The following ADM variants were observed in gnomAD, a reference collection of about 807,000 sequenced individuals.
ADM encodes pro-adrenomedullin.
A neutral mutation model predicts 9.0 loss-of-function variants in ADM; 4 were observed. The observed-to-expected ratio is 0.44, with a 90% CI of 0.22 to 1.02. The LOEUF (loss-of-function observed/expected upper bound fraction) is 1.02, where lower values mean the gene tolerates loss of function less well. Among genes scored for constraint, ADM ranks in the 50% least tolerant of loss-of-function variants. The pLI, the probability that ADM is intolerant of heterozygous loss-of-function variation, is 0.24. For synonymous variants in ADM, 107 were observed against 107.2 expected, an observed-to-expected ratio of 1.00 and a Z score of 0.01; for missense variants, 253 against 254.1, an observed-to-expected ratio of 1.00 and a Z score of 0.03.
At chr11:10,305,607 C>G in intron 1 of ADM, 73 bp from the exon 2 acceptor site, 1 of 1,382,224 alleles carries the variant, frequency 7.2e-7, no homozygotes, top group Non-Finnish European at 1.0e-6. Context: ...GGCCCCTGCC[C>G]GCCCTCCGTG....
rs1357463885 is a variant in ADM at position 10,306,596 on chromosome 11, C to G, written c.513C>G (p.His171Gln). Residue 171 changes from histidine to glutamine, a missense_variant, in exon 4 of 4, where the codon CAC (histidine) becomes CAG (glutamine). Coordinates refer to ENST00000278175, the MANE Select transcript of ADM (RefSeq NM_001124.3). ...RTLVSSKPQA[H>Q]GAPAPPSGSA... ...TGGTGTCTTCTAAGCCACAAGCACA[C>G]GGGGCTCCAGCCCCCCCGAGTGGAA... 2 of 1,594,368 alleles carry G rather than the reference C, an allele frequency of 1.3e-6. No individual in the cohort carries two copies. The highest frequency in any genetic ancestry group is 2.3e-5 in the East Asian group (1 of 44,438).
At position 10,306,397 on chromosome 11, in the gene ADM, T is replaced by A; in HGVS notation, c.314T>A (p.Leu105His). The change falls in exon 4 of 4, where the codon CTC becomes CAC. Residue 105 changes from leucine (L) to histidine (H), a missense_variant. By Grantham distance (99) the Leu-to-His change is moderately conservative. Coordinates refer to ENST00000278175, the MANE Select transcript of ADM (RefSeq NM_001124.3). ...CAGAGCATGAACAACTTCCAGGGCC[T>A]CCGGAGCTTTGGCTGCCGCTTCGGG... ...YRQSMNNFQG[L>H]RSFGCRFGTC... is the part of the protein sequence containing the mutation. 6.4e-7 allele frequency: 1 copy of A among 1,568,214 alleles called. No individual in the cohort carries two copies. Among genetic ancestry groups the A allele is most frequent in the Non-Finnish European group, 8.7e-7 (1 of 1,155,064 alleles).
chr11:10,305,532 C>T, intron 1 of ADM, 148 bp from the exon 2 acceptor site: 4 of 665,332 alleles, frequency 6.0e-6, no homozygotes, highest in South Asian at 1.9e-5. Context: ...CCTCTGGCGC[C>T]TCTCTGCGCG....
At position 10,306,313 on chromosome 11, in the gene ADM, C is replaced by CGGGGG; in HGVS notation, c.249-19_249-18insGGGGG. ...ATGGGGTCTCAAGTTGCCTTTCTTC[C>CGGGGG]CCCTCCCCCCGCCCGCAGCAGTCCG... On this transcript the variant is annotated intron_variant, in intron 3 of 3. Coordinates refer to ENST00000278175, the MANE Select transcript of ADM (RefSeq NM_001124.3). 1.3e-6 allele frequency: 1 copy of CGGGGG among 792,720 alleles called. No individual in the cohort carries two copies. The highest frequency in any genetic ancestry group is 2.0e-6 in the Non-Finnish European group (1 of 502,130). 49.1% of individuals were successfully genotyped at this position (792,720 alleles called of 1,614,324 possible). A position where few individuals can be genotyped will look rare whatever the true frequency, so the allele number is the denominator to read the frequency against.
In ADM at chr11:10,305,167, C is replaced by T. The variant is rs890967718; in HGVS notation, c.-84C>T. On this transcript the variant is annotated 5_prime_UTR_variant, in exon 1 of 4. Transcript: ENST00000278175. ...CTGGGCTTGGACTTCGGAGTTTTGC[C>T]ATTGCCAGTGGGACGTCTGAGACTT... 6.3e-6 allele frequency: 1 copy of T among 158,310 alleles called. No homozygotes were observed. 9.8% of individuals were successfully genotyped at this position (158,310 alleles called of 1,614,324 possible).
chr11:10,305,567 G>T, intron 1 of ADM, 113 bp from the exon 2 acceptor site: 1 of 840,928 alleles, frequency 1.2e-6, no homozygotes, highest in Non-Finnish European at 1.9e-6. Context: ...TCTGAGCCAG[G>T]GAAAGCGCGG....
At chr11:10,306,207 T>G in intron 3 of ADM, 109 bp downstream of exon 3, 1 of 1,539,262 alleles carries the variant, frequency 6.5e-7, no homozygotes, top group Non-Finnish European at 8.8e-7. Context: ...GGACCGCAGC[T>G]CAGATGGCGC....
chr11:10,306,858 AG>A lies in ADM; in HGVS notation c.*222del. 1 of 468,408 alleles carries A rather than the reference AG, an allele frequency of 2.1e-6. No homozygotes were observed. Among genetic ancestry groups the A allele is most frequent in the Admixed American group, 4.1e-5 (1 of 24,270 alleles). The allele number at this position is 468,408 out of a possible 1,614,324, so 29.0% of individuals were successfully genotyped here. ...AGCCTTGCTCAGGTGCAAGTGCCCC[AG>A]GGGGCGGGGTGCAGAAGAATCCGAG... On this transcript the variant is annotated 3_prime_UTR_variant, in exon 4 of 4. Coordinates refer to ENST00000278175, the MANE Select transcript of ADM (RefSeq NM_001124.3).
chr11:10,306,955 C>T lies in ADM; in HGVS notation c.*314C>T, dbSNP rs1399875455. The T allele has an allele frequency of 1.1e-5, 3 of 273,484 alleles. No individual in the cohort carries two copies. Among genetic ancestry groups the T allele is most frequent in the Admixed American group, 5.4e-5 (1 of 18,556 alleles). The allele number at this position is 273,484 out of a possible 1,614,324, so 16.9% of individuals were successfully genotyped here. ...AGACCCCCGGAGCAGGGGTCTGAGC[C>T]ACAGCCGTGCTCGCCCACAAACTGA... is the stretch of plus-strand genomic sequence containing the variant. On this transcript the variant is annotated 3_prime_UTR_variant, in exon 4 of 4. Transcript: ENST00000278175.
chr11:10,306,016 C>A lies in ADM; in HGVS notation c.166C>A (p.Leu56Ile), dbSNP rs1964651364. 1 of 1,614,094 alleles carries A rather than the reference C, an allele frequency of 6.2e-7. No individual in the cohort carries two copies. Reference sequence around the variant, plus strand: ...GATGTCCAGCAGCTACCCCACCGGGCTCGCTGACGTGAAGGCCGGGCCTGC... The same window carrying A: ...GATGTCCAGCAGCTACCCCACCGGGATCGCTGACGTGAAGGCCGGGCCTGC... Reference protein sequence around the residue: ...LRMSSSYPTGLADVKAGPAQT... With the variant: ...LRMSSSYPTGIADVKAGPAQT... Residue 56 changes from leucine (L) to isoleucine (I), a missense_variant, in exon 3 of 4, where the codon CTC (leucine) becomes ATC (isoleucine). Coordinates refer to ENST00000278175, the MANE Select transcript of ADM (RefSeq NM_001124.3).
In ADM at chr11:10,306,179, C is replaced by T. The variant is rs568295617; in HGVS notation, c.248+81C>T. ...GTTCTCTGTCTCCACTCCCCTGGCC[C>T]GGGGGATCGTCGGGGCTGGACCGCA... On this transcript the variant is annotated intron_variant, in intron 3 of 3. Transcript: ENST00000278175. The T allele has an allele frequency of 1.9e-6, 3 of 1,566,910 alleles. No homozygotes were observed. In the East Asian group the frequency reaches 6.9e-5, roughly 36 times the overall value.
rs980614510 is a variant in ADM at position 10,305,665 on chromosome 11, T to A, written c.-21-15T>A. On this transcript the variant is annotated splice_polypyrimidine_tract_variant and intron_variant, in intron 1 of 3. Transcript: ENST00000278175. ...GCCCGGGTGCTCACGCTCGACTCTCTTTCTTCTTTTCCAGGGTCTGCGCTT... is the reference window on the plus strand; with the variant it reads ...GCCCGGGTGCTCACGCTCGACTCTCATTCTTCTTTTCCAGGGTCTGCGCTT... The A allele has an allele frequency of 6.2e-7, 1 of 1,606,780 alleles. No homozygotes were observed. The highest frequency in any genetic ancestry group is 8.5e-7 in the Non-Finnish European group (1 of 1,176,086).
At chr11:10,306,190 C>T in intron 3 of ADM, 92 bp downstream of exon 3, 1 of 1,547,840 alleles carries the variant, frequency 6.5e-7, no homozygotes, top group Non-Finnish European at 8.7e-7. Context: ...GGGGGATCGT[C>T]GGGGCTGGAC....
rs1486573501 is a variant in ADM, at chr11:10,305,132, C to G, written c.-119C>G. On this transcript the variant is annotated 5_prime_UTR_variant, in exon 1 of 4. Coordinates refer to ENST00000278175, the MANE Select transcript of ADM (RefSeq NM_001124.3). ...GCTCAAGCCTTGCCACTTCGGGCTT[C>G]TCACTGCAGCTGGGCTTGGACTTCG... is the stretch of plus-strand genomic sequence containing the variant. 6.4e-6 allele frequency: 1 copy of G among 157,256 alleles called. No homozygotes were observed. The highest frequency in any genetic ancestry group is 1.4e-5 in the Non-Finnish European group (1 of 71,210). The allele number at this position is 157,256 out of a possible 1,614,324, so 9.7% of individuals were successfully genotyped here. A position where few individuals can be genotyped will look rare whatever the true frequency, so the allele number is the denominator to read the frequency against.
rs145100579 is a variant in ADM, at chr11:10,307,395, T to C, written c.*754T>C. The C allele has an allele frequency of 2.0e-5, 3 of 152,712 alleles. No individual in the cohort carries two copies. In the East Asian group the frequency reaches 5.8e-4, roughly 29 times the overall value. The allele number at this position is 152,712 out of a possible 1,614,324, so 9.5% of individuals were successfully genotyped here. A position where few individuals can be genotyped will look rare whatever the true frequency, so the allele number is the denominator to read the frequency against. On this transcript the variant is annotated 3_prime_UTR_variant, in exon 4 of 4. Transcript: ENST00000278175. This position sits in a 1 kb window ranked among gnomAD's most constrained non-coding sequence, Gnocchi z 4.5. Reference sequence around the variant, plus strand: ...GCAAACCAATAAACTGTCTCAATGCTGATTCATTCTCTCGGCTCGGCTCTC... The same window carrying C: ...GCAAACCAATAAACTGTCTCAATGCCGATTCATTCTCTCGGCTCGGCTCTC...
rs1390156430 is a variant in ADM, at chr11:10,306,678, A to G, written c.*37A>G. On this transcript the variant is annotated 3_prime_UTR_variant, in exon 4 of 4. Coordinates refer to ENST00000278175, the MANE Select transcript of ADM (RefSeq NM_001124.3). ...CCATGGTACAAGGAATAGTCGCGCA[A>G]GCATCCCGCTGGTGCCTCCCGGGAC... 1 of 1,494,394 alleles carries G rather than the reference A, an allele frequency of 6.7e-7. No homozygotes were observed. Among genetic ancestry groups the G allele is most frequent in the South Asian group, 1.4e-5 (1 of 71,412 alleles). The allele number at this position is 1,494,394 out of a possible 1,614,324, so 92.6% of individuals were successfully genotyped here. A position where few individuals can be genotyped will look rare whatever the true frequency, so the allele number is the denominator to read the frequency against.
In ADM at chr11:10,306,589, A is replaced by G; in HGVS notation, c.506A>G (p.Gln169Arg). 6.2e-7 allele frequency: 1 copy of G among 1,603,918 alleles called. No individual in the cohort carries two copies. Among genetic ancestry groups the G allele is most frequent in the Non-Finnish European group, 8.5e-7 (1 of 1,175,392 alleles). ...PGRTLVSSKP[Q>R]AHGAPAPPSG... ...CGGACTCTGGTGTCTTCTAAGCCAC[A>G]AGCACACGGGGCTCCAGCCCCCCCG... is the stretch of plus-strand genomic sequence containing the variant. The change falls in exon 4 of 4, where the codon CAA (glutamine) becomes CGA (arginine). Residue 169 changes from glutamine to arginine, a missense_variant. By Grantham distance (43) the Gln-to-Arg change is conservative. Coordinates refer to ENST00000278175, the MANE Select transcript of ADM (RefSeq NM_001124.3).
At chr11:10,306,256 C>T (rs934960667) in intron 3 of ADM, 76 bp from the exon 4 acceptor site, 22 of 1,561,272 alleles carry the variant, frequency 1.4e-5, no homozygotes, top group Middle Eastern at 1.7e-4. Flanking sequence ...GAATGGCTCC[C>T]GTTCCCGGTG....
intron 3 of ADM, 84 bp from the exon 4 acceptor site, chr11:10,306,248 A>T: frequency 6.4e-7 from 1 of 1,555,154 alleles, no homozygotes; most frequent in Non-Finnish European, 8.7e-7. Flanking sequence ...TGGCTCTAGA[A>T]TGGCTCCCGT....
Sources: allele counts gnomAD v4.1 joint callset, GRCh38; gene constraint gnomAD v4.1.1; non-coding constraint Gnocchi (gnomAD v3.1); transcripts MANE v1.5; gene names NCBI Gene and HGNC (gene_info 2026-07-23, HGNC 2026-07-21).